Variants in RPH3AL observed in about 807,000 individuals in gnomAD.
The protein encoded by RPH3AL is rabphilin 3A like (without C2 domains), also known as rab effector Noc2.
RPH3AL carries 38 observed loss-of-function variants against 43.1 expected under a neutral mutation model. The observed-to-expected ratio is 0.88, with a 90% CI of 0.68 to 1.15. The LOEUF (loss-of-function observed/expected upper bound fraction) is 1.15. RPH3AL is among the 50% of genes most tolerant of loss of function. The probability of loss-of-function intolerance (pLI) is 0.00; values close to 1 mark genes in which losing one functional copy is unlikely to be tolerated. For missense variants in RPH3AL, 462 were observed against 423.2 expected, an observed-to-expected ratio of 1.09 and a Z score of -0.81; for synonymous variants, 189 against 176.3, an observed-to-expected ratio of 1.07 and a Z score of -0.57.
At chr17:330,369 G>A (rs1460955891) in intron 2 of RPH3AL, among the ~76,000 whole-genome samples, 2 of 152,226 alleles carry the variant, frequency 1.3e-5, no homozygotes, top group Non-Finnish European at 2.9e-5. Flanking sequence ...CTCCTCAGAT[G>A]GAGGCTCAAT....
chr17:232,478 G>A (rs898407606), intron 7 of RPH3AL, among the ~76,000 whole-genome samples: 14 of 152,118 alleles, frequency 9.2e-5, no homozygotes, highest in Non-Finnish European at 1.9e-4. Context: ...CCCAGGCCTC[G>A]GCTGACCCTG....
Position 219,665 on chromosome 17 carries a change from C to G in RPH3AL, c.685G>C (p.Gly229Arg). ...TTGTCGCCTTTCCGGTCCCTGACCC[C>G]AGTGGATGGGAGTCTGTCCTCTAGG... ...SSLEDRLPST[G>R]VRDRKGDKPW... Residue 229 changes from glycine (G) to arginine (R), a missense_variant, in exon 8 of 10, where the codon GGG (glycine) becomes CGG (arginine). Gly to Arg is a moderately radical substitution (Grantham distance 125). Transcript: ENST00000331302. 3 of 1,613,686 alleles carry G rather than the reference C, an allele frequency of 1.9e-6. No individual in the cohort carries two copies. Among genetic ancestry groups the G allele is most frequent in the Non-Finnish European group, 2.5e-6 (3 of 1,179,904 alleles).
rs933381152 is a variant in RPH3AL at position 247,015 on chromosome 17, G to A, written c.613+96C>T. The A allele has an allele frequency of 1.1e-5, 15 of 1,308,744 alleles. No individual in the cohort carries two copies. The Admixed American group carries it at 2.5e-4, about 21-fold the overall frequency. 81.1% of individuals were successfully genotyped at this position (1,308,744 alleles called of 1,614,324 possible). A position where few individuals can be genotyped will look rare whatever the true frequency, so the allele number is the denominator to read the frequency against. On this transcript the variant is annotated intron_variant, in intron 7 of 9. Coordinates refer to ENST00000331302, the MANE Select transcript of RPH3AL (RefSeq NM_006987.4). ...CACCAGAATGAGCCTCGTGGATGGA[G>A]GGTGCGGGGGACTGGCCTTGTGCCT...
intron 6 of RPH3AL, among the ~76,000 whole-genome samples, chr17:272,969 AGACCCCAGCAAGGGCTACGTCAGGG>A (rs2042524918): frequency 9.5e-6 from 1 of 105,410 alleles, no homozygotes; most frequent in Admixed American, 9.7e-5. Context: ...CGTCAGGGTG[AGACCCCAGCAAGGGCTACGTCAGGG>A]TGAGACCCCA....
chr17:321,612 TGGCAACAGAGAC>T (rs2044479096), intron 3 of RPH3AL, 197 bp from the exon 4 acceptor site: 9 of 556,532 alleles, frequency 1.6e-5, no homozygotes, highest in Admixed American at 1.1e-4. Context: ...ACGGCCCAGG[TGGCAACAGAGAC>T]GGCCCAGGTT....
At chr17:218,752 A>T (rs1174399530) in intron 8 of RPH3AL, among the ~76,000 whole-genome samples, 2 of 152,250 alleles carry the variant, frequency 1.3e-5, no homozygotes, top group East Asian at 1.9e-4. Flanking sequence ...GAGCTCAGGG[A>T]TCTCCAAGTC....
intron 6 of RPH3AL, among the ~76,000 whole-genome samples, chr17:278,315 C>T (rs1217531562): frequency 6.6e-6 from 1 of 152,178 alleles, no homozygotes; most frequent in Non-Finnish European, 1.5e-5. Flanking sequence ...GAGGCCTCCC[C>T]AGCCATGTGG....
At chr17:260,613 C>G (rs1555545941) in intron 6 of RPH3AL, among the ~76,000 whole-genome samples, 1 of 152,202 alleles carries the variant, frequency 6.6e-6, no homozygotes, top group African/African-American at 2.4e-5. Context: ...GCGGTCTTCT[C>G]AATTACACTG....
At chr17:306,168 C>T (rs770374880) in intron 5 of RPH3AL, among the ~76,000 whole-genome samples, 3 of 151,974 alleles carry the variant, frequency 2.0e-5, no homozygotes, top group Admixed American at 2.0e-4. Context: ...ACTTCCCCAG[C>T]CCCTTTCTGA....
chr17:316,433 C>A (rs2044193456), intron 5 of RPH3AL, among the ~76,000 whole-genome samples: 1 of 151,740 alleles, frequency 6.6e-6, no homozygotes, highest in Admixed American at 6.6e-5. Context: ...CCTCCATTGA[C>A]CTGTAGTCTC....
chr17:312,337 C>A (rs1292795194), intron 5 of RPH3AL, among the ~76,000 whole-genome samples: 5 of 152,062 alleles, frequency 3.3e-5, no homozygotes, highest in African/African-American at 4.8e-5. Flanking sequence ...GAGACTAGAG[C>A]CCTCTCCTCC....
In RPH3AL at chr17:213,189, G is replaced by C. The variant is rs1244018999; in HGVS notation, c.*663C>G. The C allele has an allele frequency of 6.5e-6, 1 of 153,218 alleles. No individual in the cohort carries two copies. Among genetic ancestry groups the C allele is most frequent in the African/African-American group, 2.4e-5 (1 of 41,448 alleles). The allele number at this position is 153,218 out of a possible 1,614,324, so 9.5% of individuals were successfully genotyped here. A position where few individuals can be genotyped will look rare whatever the true frequency, so the allele number is the denominator to read the frequency against. ...GAATCGCTTGAGCCCGGGAGGTGGAGGTTGCAGTGAGCCGCGATCGTGCCA... is the reference window on the plus strand; with the variant it reads ...GAATCGCTTGAGCCCGGGAGGTGGACGTTGCAGTGAGCCGCGATCGTGCCA... On this transcript the variant is annotated 3_prime_UTR_variant, in exon 10 of 10. Coordinates refer to ENST00000331302, the MANE Select transcript of RPH3AL (RefSeq NM_006987.4).
At position 333,590 on chromosome 17, in the gene RPH3AL, T is replaced by C. The variant is rs188306078; in HGVS notation, c.-37+169A>G. The C allele has an allele frequency of 3.2e-4, 84 of 263,246 alleles. No homozygotes were observed. The highest frequency in any genetic ancestry group is 1.7e-3 in the African/African-American group (76 of 45,994). 16.3% of individuals were successfully genotyped at this position (263,246 alleles called of 1,614,324 possible). ...CTATAACTTAGTATTCTGAATACAA[T>C]ACGTTTTACCATCTTCCTGTTTGGG... On this transcript the variant is annotated intron_variant, in intron 2 of 9. Transcript: ENST00000331302. This position sits in a 1 kb window ranked among gnomAD's most constrained non-coding sequence, Gnocchi z 4.5.
intron 5 of RPH3AL, among the ~76,000 whole-genome samples, chr17:286,426 T>A (rs957033664): frequency 1.4e-5 from 2 of 141,458 alleles, no homozygotes; most frequent in African/African-American, 5.3e-5. Context: ...TGCTTCAGTG[T>A]CTCTGGCTGG....
intron 5 of RPH3AL, among the ~76,000 whole-genome samples, chr17:300,625 T>G (rs368182589): frequency 4.2e-5 from 5 of 119,778 alleles, no homozygotes; most frequent in Admixed American, 1.6e-4. Context: ...ACCTGCAGAA[T>G]CTCTCACCCA....
intron 7 of RPH3AL, among the ~76,000 whole-genome samples, chr17:242,100 G>A (rs2041553324): frequency 6.6e-6 from 1 of 152,012 alleles, no homozygotes; most frequent in African/African-American, 2.4e-5. Context: ...CTGGGTGGCA[G>A]AGCAAGACTG....
chr17:235,026 C>G (rs1369715953), intron 7 of RPH3AL, among the ~76,000 whole-genome samples: 1 of 152,112 alleles, frequency 6.6e-6, no homozygotes, highest in Non-Finnish European at 1.5e-5. Flanking sequence ...ATGCGTTTGA[C>G]GGAAAAACGG....
At chr17:237,534 C>T (rs190919447) in intron 7 of RPH3AL, among the ~76,000 whole-genome samples, 1 of 152,308 alleles carries the variant, frequency 6.6e-6, no homozygotes, top group African/African-American at 2.4e-5. Context: ...AATTTGCCTC[C>T]CAGCCGGAGC....
At chr17:233,559 C>T (rs539898316) in intron 7 of RPH3AL, among the ~76,000 whole-genome samples, 1 of 152,216 alleles carries the variant, frequency 6.6e-6, no homozygotes, top group South Asian at 2.1e-4. Context: ...ACAGACGTGA[C>T]CTGGTCATGC....
Sources: gnomAD v4.1 joint callset for allele counts (sites outside exome capture counted in the v4.1 genomes callset) on GRCh38, gnomAD v4.1.1 for gene constraint, Gnocchi (gnomAD v3.1) non-coding constraint, MANE v1.5 for transcripts, NCBI Gene and HGNC (gene_info 2026-07-23, HGNC 2026-07-21) for gene names.